The following SLC22A15 variants were observed in gnomAD, a reference collection of about 807,000 sequenced individuals.
SLC22A15 encodes the protein solute carrier family 22 member 15, also known as flipt 1.
A neutral mutation model predicts 62.7 loss-of-function variants in SLC22A15; 45 were observed. The observed-to-expected ratio is 0.72, with a 90% CI of 0.56 to 0.92. The LOEUF is 0.92. SLC22A15 is among the 40% of genes least tolerant of loss of function. SLC22A15 has a pLI of 0.00. For synonymous variants in SLC22A15, 264 were observed against 267.0 expected, an observed-to-expected ratio of 0.99 and a Z score of 0.11; for missense variants, 622 against 665.6, an observed-to-expected ratio of 0.93 and a Z score of 0.72.
intron 6 of SLC22A15, among the ~76,000 whole-genome samples, chr1:116,034,527 AC>A (rs1354907165): frequency 2.3e-4 from 35 of 152,188 alleles, no homozygotes; most frequent in African/African-American, 8.2e-4. Flanking sequence ...TTTTTAAGTG[AC>A]CCTTCCTCGG....
chr1:116,026,952 T>C lies in SLC22A15; in HGVS notation c.658T>C (p.Phe220Leu). Residue 220 changes from phenylalanine (F) to leucine (L), a missense_variant, in exon 5 of 12, where the codon TTC becomes CTC. Transcript: ENST00000369503. Reference sequence around the variant, plus strand: ...TGCCCAATATGCCCTGTTAGGATACTTCATCCGCTCCTGGAGGACCCTAGC... The same window carrying C: ...TGCCCAATATGCCCTGTTAGGATACCTCATCCGCTCCTGGAGGACCCTAGC... Reference protein sequence around the residue: ...GIAQYALLGYFIRSWRTLAIL... With the variant: ...GIAQYALLGYLIRSWRTLAIL... 6.2e-7 allele frequency: 1 copy of C among 1,613,848 alleles called. No homozygotes were observed. Among genetic ancestry groups the C allele is most frequent in the Non-Finnish European group, 8.5e-7 (1 of 1,179,748 alleles).
intron 2 of SLC22A15, among the ~76,000 whole-genome samples, chr1:116,006,200 G>A (rs1435502937): frequency 6.6e-6 from 1 of 152,148 alleles, no homozygotes; most frequent in East Asian, 1.9e-4. Flanking sequence ...TGTTCACTGA[G>A]CAATTGTTAC....
intron 6 of SLC22A15, among the ~76,000 whole-genome samples, chr1:116,032,986 A>G (rs1209397088): frequency 6.6e-6 from 1 of 152,200 alleles, no homozygotes; most frequent in African/African-American, 2.4e-5. Context: ...CAAACCCTAG[A>G]CTTAGGGCCA....
At chr1:116,055,217 G>C (rs927835261) in intron 8 of SLC22A15, among the ~76,000 whole-genome samples, 10 of 152,062 alleles carry the variant, frequency 6.6e-5, no homozygotes, top group Admixed American at 4.6e-4. Context: ...AAATGATAAA[G>C]GGGATATCAC....
chr1:115,990,128 A>G (rs1655076612), intron 1 of SLC22A15, among the ~76,000 whole-genome samples: 1 of 152,242 alleles, frequency 6.6e-6, no homozygotes, highest in South Asian at 2.1e-4. Context: ...GGGCTTGGAG[A>G]CACAAGCAAG....
intron 8 of SLC22A15, among the ~76,000 whole-genome samples, chr1:116,044,238 TA>T (rs1657869168): frequency 6.6e-6 from 1 of 152,208 alleles, no homozygotes; most frequent in Non-Finnish European, 1.5e-5. Flanking sequence ...CAGCACTGCA[TA>T]AAAAAGGCAA....
At chr1:116,000,895 G>C (rs932469654) in intron 2 of SLC22A15, among the ~76,000 whole-genome samples, 1 of 152,066 alleles carries the variant, frequency 6.6e-6, no homozygotes, top group Non-Finnish European at 1.5e-5. Context: ...GCCTCCCAAA[G>C]TGCTGGGATT....
chr1:116,055,089 C>A (rs1373068030), intron 8 of SLC22A15, among the ~76,000 whole-genome samples: 3 of 149,804 alleles, frequency 2.0e-5, no homozygotes, highest in Non-Finnish European at 4.5e-5. Flanking sequence ...ACACAAAAAA[C>A]CCTTCAAAAA....
chr1:115,981,347 T>G (rs1249171740), intron 1 of SLC22A15, among the ~76,000 whole-genome samples: 3 of 152,250 alleles, frequency 2.0e-5, no homozygotes, highest in Non-Finnish European at 4.4e-5. Context: ...CAGGGCTCTC[T>G]GTCAGTTTGA....
intron 3 of SLC22A15, 56 bp from the exon 4 acceptor site, chr1:116,020,665 C>G (rs1656781679): frequency 7.4e-7 from 1 of 1,356,790 alleles, no homozygotes; most frequent in Non-Finnish European, 1.0e-6. Context: ...TAATTTATTA[C>G]TTTCATCAAA....
chr1:116,004,754 A>G (rs1655892935), intron 2 of SLC22A15, among the ~76,000 whole-genome samples: 1 of 152,198 alleles, frequency 6.6e-6, no homozygotes, highest in Non-Finnish European at 1.5e-5. Flanking sequence ...TAGAGTTGGT[A>G]TTAATTCCTT....
chr1:116,040,842 G>A (rs1657760225), intron 8 of SLC22A15, among the ~76,000 whole-genome samples: 1 of 152,192 alleles, frequency 6.6e-6, no homozygotes, highest in African/African-American at 2.4e-5. Context: ...CTGGTCTCAA[G>A]TGATTCTCCT....
intron 8 of SLC22A15, 67 bp from the exon 9 acceptor site, chr1:116,062,695 G>C: frequency 1.3e-6 from 2 of 1,593,420 alleles, no homozygotes; most frequent in Non-Finnish European, 1.7e-6. Flanking sequence ...CCATCAAAAT[G>C]AAATGTGCCA....
At chr1:115,985,584 G>T (rs1259132953) in intron 1 of SLC22A15, among the ~76,000 whole-genome samples, 1 of 148,368 alleles carries the variant, frequency 6.7e-6, no homozygotes, top group Non-Finnish European at 1.5e-5. Context: ...TTACAATTTT[G>T]TTTTTTTTTT....
chr1:115,982,810 C>G (rs923670194), intron 1 of SLC22A15, among the ~76,000 whole-genome samples: 1 of 152,160 alleles, frequency 6.6e-6, no homozygotes, highest in Non-Finnish European at 1.5e-5. Flanking sequence ...CCTTTTACTT[C>G]AAAAGTTTTT....
chr1:116,035,278 A>T lies in SLC22A15; in HGVS notation c.1036A>T (p.Ile346Leu). The change falls in exon 7 of 12, where the codon ATA becomes TTA. Residue 346 changes from isoleucine to leucine, a missense_variant. By Grantham distance (5) the Ile-to-Leu change is conservative. Transcript: ENST00000369503. ...IYANLALSGL[I>L]EIPSYPLCIY... ...TGCCAACCTGGCCCTGTCTGGCCTC[A>T]TAGAGATTCCATCTTACCCTCTCTG... is the stretch of plus-strand genomic sequence containing the variant. 6.2e-7 allele frequency: 1 copy of T among 1,613,400 alleles called. No homozygotes were observed.
At chr1:115,987,266 C>G (rs1358969798) in intron 1 of SLC22A15, among the ~76,000 whole-genome samples, 1 of 151,150 alleles carries the variant, frequency 6.6e-6, no homozygotes, top group Non-Finnish European at 1.5e-5. Flanking sequence ...CCCGGGTTCA[C>G]GCCATTCTCC....
chr1:116,027,137 G>A, intron 5 of SLC22A15, 115 bp downstream of exon 5: 1 of 980,042 alleles, frequency 1.0e-6, no homozygotes. Context: ...CACTGACTTT[G>A]GTGAAGAACT....
chr1:116,025,124 G>T (rs1001368870), intron 4 of SLC22A15, among the ~76,000 whole-genome samples: 7 of 152,202 alleles, frequency 4.6e-5, no homozygotes, highest in Admixed American at 2.0e-4. Context: ...ACTGAGGCTC[G>T]GGGATATTTA....
Sources: allele counts gnomAD v4.1 joint callset (sites outside exome capture counted in the v4.1 genomes callset), GRCh38; gene constraint gnomAD v4.1.1; transcripts MANE v1.5; gene names NCBI Gene and HGNC (gene_info 2026-07-23, HGNC 2026-07-21).